Variants in ZNF385D observed in about 807,000 individuals in gnomAD.
The protein encoded by ZNF385D is zinc finger protein 385D.
In ZNF385D, 15 loss-of-function variants were observed where a neutral mutation model predicts 35.8. The ratio of observed to expected loss-of-function variants is 0.42; its 90% CI spans 0.28 to 0.64. The LOEUF (loss-of-function observed/expected upper bound fraction) is 0.64, where lower values mean the gene tolerates loss of function less well. Ranked by LOEUF, ZNF385D falls within the 30% of genes least tolerant of loss-of-function variation. ZNF385D has a pLI of 0.23. For missense variants in ZNF385D, 474 were observed against 494.6 expected (o/e 0.96, Z 0.39); for synonymous variants, 212 against 186.8 (o/e 1.13, Z -1.10).
chr3:21,510,230 T>C (rs1707099040), intron 4 of ZNF385D, among the ~76,000 whole-genome samples: 1 of 152,170 alleles, frequency 6.6e-6, no homozygotes, highest in East Asian at 1.9e-4. Flanking sequence ...ATGAATAAGC[T>C]GGTCGTTGGC....
intron 3 of ZNF385D, among the ~76,000 whole-genome samples, chr3:21,832,867 G>C (rs1471194403): frequency 2.0e-5 from 3 of 152,084 alleles, no homozygotes; most frequent in Admixed American, 2.0e-4. Flanking sequence ...AAAGGAAAAA[G>C]ATCCATGCAC....
chr3:22,278,975 C>T (rs981163350), intron 2 of ZNF385D, among the ~76,000 whole-genome samples: 5 of 152,160 alleles, frequency 3.3e-5, no homozygotes, highest in South Asian at 2.1e-4. Flanking sequence ...CCCTCTTAGG[C>T]GGGTTACTAG....
At chr3:21,638,682 C>G (rs954831526) in intron 2 of ZNF385D, among the ~76,000 whole-genome samples, 1 of 152,074 alleles carries the variant, frequency 6.6e-6, no homozygotes, top group African/African-American at 2.4e-5. Flanking sequence ...AGTCTCAGAC[C>G]ATGTGCTGTT....
chr3:21,560,780 G>A (rs1376826627), intron 3 of ZNF385D, among the ~76,000 whole-genome samples: 1 of 152,180 alleles, frequency 6.6e-6, no homozygotes, highest in Non-Finnish European at 1.5e-5. Flanking sequence ...GTCCCAGGGA[G>A]TTGGGGGTAT....
intron 3 of ZNF385D, among the ~76,000 whole-genome samples, chr3:21,928,136 A>C (rs982741741): frequency 6.6e-6 from 1 of 152,048 alleles, no homozygotes; most frequent in Non-Finnish European, 1.5e-5. Context: ...AGATGAGGCC[A>C]GGTGTTCACA....
chr3:21,964,773 T>C (rs1481700718), intron 3 of ZNF385D, among the ~76,000 whole-genome samples: 1 of 143,068 alleles, frequency 7.0e-6, no homozygotes, highest in Non-Finnish European at 1.5e-5. Context: ...ATTATAGGCA[T>C]GAGCCACTGC....
Position 21,479,912 on chromosome 3 carries a change from C to T in ZNF385D, c.439+30949G>A, listed in dbSNP as rs116992400. The stretch of plus-strand genomic sequence containing the variant: ...TGGTAATTATTGCTATTTAAATATA[C>T]AGATTATTCCTTTTGGTCTGCTTTT... On this transcript the variant is annotated intron_variant, in intron 4 of 7. Coordinates refer to ENST00000281523, the MANE Select transcript of ZNF385D (RefSeq NM_024697.3). Among the ~76,000 whole-genome samples, 67 of 152,160 alleles carry T rather than the reference C, an allele frequency of 4.4e-4. 1 individual carries two copies. In the East Asian group the frequency reaches 0.012, roughly 27 times the overall value.
intron 3 of ZNF385D, among the ~76,000 whole-genome samples, chr3:21,948,408 C>G (rs984041011): frequency 2.3e-4 from 35 of 152,152 alleles, no homozygotes; most frequent in African/African-American, 8.4e-4. Context: ...ACAAGTTTTT[C>G]CACAGATACT....
chr3:21,766,797 C>T (rs2070848936), intron 3 of ZNF385D, among the ~76,000 whole-genome samples: 1 of 151,748 alleles, frequency 6.6e-6, no homozygotes, highest in South Asian at 2.1e-4. Context: ...AGTGGAGATC[C>T]TTGAAGTCAA....
intron 3 of ZNF385D, among the ~76,000 whole-genome samples, chr3:21,773,352 T>C (rs374512409): frequency 1.3e-5 from 2 of 151,834 alleles, no homozygotes; most frequent in East Asian, 3.9e-4. Flanking sequence ...ACAGGAGTCT[T>C]TGCCCATGAA....
At chr3:21,978,128 G>A (rs1559811535) in intron 3 of ZNF385D, 1 of 148,688 alleles carries the variant, frequency 6.7e-6, no homozygotes, top group Non-Finnish European at 1.5e-5. Context: ...TCTGTTTTGT[G>A]TTTTTATTAA....
intron 3 of ZNF385D, among the ~76,000 whole-genome samples, chr3:21,944,533 G>A (rs1009181237): frequency 5.3e-5 from 8 of 152,294 alleles, no homozygotes; most frequent in African/African-American, 1.7e-4. Context: ...AAGGCTTGTC[G>A]AAGAGAGTTA....
intron 3 of ZNF385D, among the ~76,000 whole-genome samples, chr3:21,796,147 C>T (rs1453112872): frequency 1.3e-5 from 2 of 152,084 alleles, no homozygotes; most frequent in Non-Finnish European, 2.9e-5. Flanking sequence ...TTTCCTGTTT[C>T]CTTGGAGCTA....
At chr3:21,904,815 C>A (rs1699590318) in intron 3 of ZNF385D, among the ~76,000 whole-genome samples, 1 of 152,154 alleles carries the variant, frequency 6.6e-6, no homozygotes, top group African/African-American at 2.4e-5. Flanking sequence ...GCAGAAAGAA[C>A]AGTACTTATG....
intron 3 of ZNF385D, among the ~76,000 whole-genome samples, chr3:22,124,784 G>C (rs952822662): frequency 6.6e-6 from 1 of 152,092 alleles, no homozygotes; most frequent in Non-Finnish European, 1.5e-5. Context: ...ATCCTATAGA[G>C]TTGTTTGAGC....
chr3:22,069,096 C>A (rs1700109355), intron 3 of ZNF385D, among the ~76,000 whole-genome samples: 1 of 152,156 alleles, frequency 6.6e-6, no homozygotes. Flanking sequence ...AAGATCTGGG[C>A]TAGCTACAGG....
At chr3:21,508,129 C>T (rs1354016623) in intron 4 of ZNF385D, among the ~76,000 whole-genome samples, 1 of 152,136 alleles carries the variant, frequency 6.6e-6, no homozygotes, top group Non-Finnish European at 1.5e-5. Context: ...ACCAACTTTA[C>T]AGACTTTACT....
intron 3 of ZNF385D, among the ~76,000 whole-genome samples, chr3:21,848,321 T>C (rs1475271630): frequency 2.0e-5 from 3 of 152,016 alleles, no homozygotes; most frequent in African/African-American, 4.8e-5. Context: ...AGTGGTCATA[T>C]CTCTTTGAGA....
At chr3:22,351,475 T>C (rs529934580) in intron 2 of ZNF385D, among the ~76,000 whole-genome samples, 1 of 152,240 alleles carries the variant, frequency 6.6e-6, no homozygotes, top group African/African-American at 2.4e-5. Context: ...GGCCCAGCTG[T>C]CTGGAAAATA....
Sources: gnomAD v4.1 joint callset for allele counts (sites outside exome capture counted in the v4.1 genomes callset) on GRCh38, gnomAD v4.1.1 for gene constraint, MANE v1.5 for transcripts, NCBI Gene and HGNC (gene_info 2026-07-23, HGNC 2026-07-21) for gene names.